The following CD8B variants were observed in gnomAD, a reference collection of about 807,000 sequenced individuals.
CD8B encodes the protein T-cell surface glycoprotein CD8 beta chain.
A neutral mutation model predicts 24.2 loss-of-function variants in CD8B; 6 were observed. That is an observed-to-expected ratio of 0.25 (90% CI 0.14 to 0.49). CD8B has a LOEUF of 0.49. Among genes scored for constraint, CD8B ranks in the 20% least tolerant of loss-of-function variants. The pLI is 0.98. For missense variants in CD8B, 196 were observed against 271.3 expected (o/e 0.72, Z 1.95); for synonymous variants, 84 against 108.3 (o/e 0.78, Z 1.39).
In CD8B at chr2:86,840,793, C is replaced by CTT. The variant is rs1558755641; in HGVS notation, c.*1513_*1514insAA. Among the ~76,000 whole-genome samples the CTT allele has an allele frequency of 6.6e-6, 1 of 152,178 alleles. No homozygotes were observed. Among genetic ancestry groups the CTT allele is most frequent in the African/African-American group, 2.4e-5 (1 of 41,450 alleles). On this transcript the variant is annotated 3_prime_UTR_variant, in exon 6 of 6. Transcript: ENST00000390655. ...GGCCCTCCTTCCGGTAACACTGCATCTATGCCTTTCTAACTCCACCCACCA... is the reference window on the plus strand; with the variant it reads ...GGCCCTCCTTCCGGTAACACTGCATCTTTATGCCTTTCTAACTCCACCCACCA...
At chr2:86,855,473 C>T (rs1000422295) in intron 2 of CD8B, among the ~76,000 whole-genome samples, 7 of 152,198 alleles carry the variant, frequency 4.6e-5, no homozygotes, top group African/African-American at 7.2e-5. Flanking sequence ...CAAAGTTAGA[C>T]AGCCACTGGC....
chr2:86,826,636 G>A (rs1385200223), intron 5 of CD8B, among the ~76,000 whole-genome samples: 2 of 152,068 alleles, frequency 1.3e-5, no homozygotes, highest in African/African-American at 4.8e-5. Flanking sequence ...GTGAAGCGTG[G>A]CTACTAAAAA....
intron 3 of CD8B, among the ~76,000 whole-genome samples, chr2:86,848,307 A>G (rs1332355669): frequency 6.6e-6 from 1 of 152,246 alleles, no homozygotes; most frequent in African/African-American, 2.4e-5. Context: ...CAAGTGGGGA[A>G]AAATGTTATT....
At chr2:86,860,948 C>T (rs1676550304) in intron 1 of CD8B, among the ~76,000 whole-genome samples, 1 of 152,208 alleles carries the variant, frequency 6.6e-6, no homozygotes, top group South Asian at 2.1e-4. Flanking sequence ...TGCATGTTCC[C>T]CTCGGTAACC....
At chr2:86,816,333 G>A (rs892035575) in intron 5 of CD8B, among the ~76,000 whole-genome samples, 36 of 152,196 alleles carry the variant, frequency 2.4e-4, no homozygotes, top group African/African-American at 8.0e-4. Flanking sequence ...TAATGGACAT[G>A]AAGACTCAAC....
chr2:86,844,029 G>A (rs905341498), intron 5 of CD8B, among the ~76,000 whole-genome samples: 8 of 152,218 alleles, frequency 5.3e-5, no homozygotes, highest in African/African-American at 1.7e-4. Context: ...TAACTGGATA[G>A]GCAGATGTGA....
chr2:86,832,751 A>T (rs1674952383), intron 5 of CD8B, among the ~76,000 whole-genome samples: 1 of 152,178 alleles, frequency 6.6e-6, no homozygotes, highest in Admixed American at 6.5e-5. Flanking sequence ...AAATAAAAAC[A>T]TTGATTCTTA....
chr2:86,829,128 C>G (rs1025740722), intron 5 of CD8B, among the ~76,000 whole-genome samples: 6 of 97,304 alleles, frequency 6.2e-5, no homozygotes, highest in Non-Finnish European at 7.9e-5. Flanking sequence ...GAGACGGAGT[C>G]TTGCTCTGTT....
intron 5 of CD8B, chr2:86,832,959 C>T: frequency 1.0e-5 from 2 of 199,182 alleles, no homozygotes; most frequent in Admixed American, 6.7e-5. Context: ...CCTCCCCTCC[C>T]CTCTCCTCCC....
chr2:86,815,666 A>T, exon 6 of CD8B: 1 of 1,613,824 alleles, frequency 6.2e-7, no homozygotes, highest in Non-Finnish European at 8.5e-7. Flanking sequence ...TTGCTGTAGT[A>T]TCCATGCAGG....
At chr2:86,833,825 A>G (rs1261023521), downstream of CD8B, among the ~76,000 whole-genome samples, 1 of 151,290 alleles carries the variant, frequency 6.6e-6, no homozygotes, top group African/African-American at 2.4e-5. Context: ...TAAATTTTGT[A>G]TTTTTAATAG....
intron 3 of CD8B, among the ~76,000 whole-genome samples, chr2:86,850,518 A>T (rs1169912456): frequency 6.6e-6 from 1 of 152,124 alleles, no homozygotes; most frequent in Non-Finnish European, 1.5e-5. Context: ...CATTTTACAG[A>T]CAAGGAAACT....
chr2:86,860,873 G>C (rs1676546475), intron 1 of CD8B, among the ~76,000 whole-genome samples: 1 of 152,210 alleles, frequency 6.6e-6, no homozygotes, highest in South Asian at 2.1e-4. Flanking sequence ...TTGTCCCCTA[G>C]GAACTGAATA....
chr2:86,841,453 A>T lies in CD8B; in HGVS notation c.*854T>A. The stretch of plus-strand genomic sequence containing the variant: ...CTCTCTAGGACTCTCCACACCTACA[A>T]CGTCGGGCAAATGAGGATCTCAGGT... On this transcript the variant is annotated 3_prime_UTR_variant, in exon 6 of 6. Transcript: ENST00000390655. 2.0e-6 allele frequency: 1 copy of T among 510,212 alleles called. No individual in the cohort carries two copies. The highest frequency in any genetic ancestry group is 9.6e-4 in the Middle Eastern group (1 of 1,038). 31.6% of individuals were successfully genotyped at this position (510,212 alleles called of 1,614,324 possible).
chr2:86,836,137 G>A (rs571974093), downstream of CD8B, among the ~76,000 whole-genome samples: 4 of 152,232 alleles, frequency 2.6e-5, no homozygotes, highest in Middle Eastern at 3.4e-3. Context: ...GATGGGTGGG[G>A]GAGCCAGCAG....
At chr2:86,815,529 G>A, downstream of CD8B, 1 of 892,256 alleles carries the variant, frequency 1.1e-6, no homozygotes, top group Non-Finnish European at 1.9e-6. Flanking sequence ...TGCTGGGTGT[G>A]TGGGAGGATC....
intron 5 of CD8B, among the ~76,000 whole-genome samples, chr2:86,825,225 C>T (rs1040580633): frequency 7.2e-5 from 11 of 152,038 alleles, no homozygotes; most frequent in African/African-American, 9.7e-5. Flanking sequence ...GGAGAGGGGC[C>T]GCCCTACATA....
chr2:86,826,070 T>G (rs1283156021), intron 5 of CD8B, among the ~76,000 whole-genome samples: 4 of 151,874 alleles, frequency 2.6e-5, no homozygotes, highest in African/African-American at 7.3e-5. Context: ...TTGCAGGCGG[T>G]TTTTTAGAAC....
chr2:86,846,888 C>A, intron 3 of CD8B, 115 bp from the exon 4 acceptor site: 1 of 609,994 alleles, frequency 1.6e-6, no homozygotes. Flanking sequence ...CAGAGAATAC[C>A]ACCATTTGTA....
Sources: allele counts gnomAD v4.1 joint callset (sites outside exome capture counted in the v4.1 genomes callset), GRCh38; gene constraint gnomAD v4.1.1; transcripts MANE v1.5; gene names NCBI Gene and HGNC (gene_info 2026-07-23, HGNC 2026-07-21).